Variants in SCN8A observed in about 807,000 individuals in gnomAD.
The protein encoded by SCN8A is sodium voltage-gated channel alpha subunit 8.
A neutral mutation model predicts 184.1 loss-of-function variants in SCN8A; 30 were observed. The ratio of observed to expected loss-of-function variants is 0.16; its 90% CI spans 0.12 to 0.22. The LOEUF (loss-of-function observed/expected upper bound fraction) is 0.22. Ranked by LOEUF, SCN8A falls within the 10% of genes least tolerant of loss-of-function variation. The probability of loss-of-function intolerance (pLI) is 1.00; values close to 1 mark genes in which losing one functional copy is unlikely to be tolerated. For missense variants in SCN8A, 1,057 were observed against 2,498.9 expected (o/e 0.42, Z 12.30); for synonymous variants, 852 against 907.0 (o/e 0.94, Z 1.09).
rs149205280 is a variant in SCN8A, at chr12:51,658,460, C to T, written c.-54-4304C>T. Among the ~76,000 whole-genome samples the T allele has an allele frequency of 1.6e-3, 240 of 152,100 alleles. 1 individual carries two copies. Among genetic ancestry groups the T allele is most frequent in the Non-Finnish European group, 2.9e-3 (199 of 67,924 alleles). ...TGCTACTGATTTTTGTACGTTGATT[C>T]TGTACCCTGCATGAAATACCATAGA... On this transcript the variant is annotated intron_variant, in intron 1 of 26. Transcript: ENST00000627620.
chr12:51,713,057 C>T, intron 11 of SCN8A: 1 of 1,484,938 alleles, frequency 6.7e-7, no homozygotes. Flanking sequence ...TTCTGAACAA[C>T]AATTTTATCA....
intron 12 of SCN8A, among the ~76,000 whole-genome samples, chr12:51,723,418 A>G (rs893280315): frequency 6.6e-6 from 1 of 152,174 alleles, no homozygotes; most frequent in Non-Finnish European, 1.5e-5. Flanking sequence ...CATGAGCCCA[A>G]GAGTTTAAGG....
intron 1 of SCN8A, among the ~76,000 whole-genome samples, chr12:51,625,730 T>C (rs1297429035): frequency 6.6e-6 from 1 of 152,246 alleles, no homozygotes; most frequent in African/African-American, 2.4e-5. Context: ...GCTTATCAAG[T>C]AACTGCTGTA....
At chr12:51,788,876 A>T (rs980695083) in intron 23 of SCN8A, 128 bp downstream of exon 23, 2 of 671,384 alleles carry the variant, frequency 3.0e-6, no homozygotes, top group African/African-American at 3.7e-5. Context: ...TCTTTGGAAC[A>T]TTTATTGCTT....
chr12:51,664,310 C>T (rs1420631397), intron 2 of SCN8A, among the ~76,000 whole-genome samples: 3 of 139,826 alleles, frequency 2.1e-5, no homozygotes, highest in Admixed American at 7.1e-5. Flanking sequence ...TGGGTTCAAG[C>T]GATTCTGCTG....
At chr12:51,717,711 C>T (rs1941989152) in intron 11 of SCN8A, among the ~76,000 whole-genome samples, 1 of 152,244 alleles carries the variant, frequency 6.6e-6, no homozygotes, top group Non-Finnish European at 1.5e-5. Context: ...ACAACATCTA[C>T]TCATAAATGA....
At chr12:51,786,950 A>G in intron 22 of SCN8A, 124 bp downstream of exon 22, 1 of 966,820 alleles carries the variant, frequency 1.0e-6, no homozygotes, top group Admixed American at 2.8e-5. Flanking sequence ...AGTCCAAGAA[A>G]ACAGTATTGT....
intron 1 of SCN8A, among the ~76,000 whole-genome samples, chr12:51,633,483 T>A (rs1940245465): frequency 6.6e-6 from 1 of 152,252 alleles, no homozygotes; most frequent in African/African-American, 2.4e-5. Flanking sequence ...AGGTTTGCTT[T>A]CACCAGTTAT....
chr12:51,670,598 T>C (rs943426258), intron 2 of SCN8A, among the ~76,000 whole-genome samples: 2 of 151,978 alleles, frequency 1.3e-5, no homozygotes, highest in African/African-American at 4.8e-5. Context: ...CTACTGAAGG[T>C]TCTGGAATGG....
intron 14 of SCN8A, among the ~76,000 whole-genome samples, chr12:51,753,573 A>G (rs561167871): frequency 6.6e-6 from 1 of 152,344 alleles, no homozygotes; most frequent in South Asian, 2.1e-4. Flanking sequence ...TTGCCAATCA[A>G]CACGAGCGCT....
chr12:51,801,821 G>A (rs1220555322), intron 26 of SCN8A, among the ~76,000 whole-genome samples: 1 of 152,196 alleles, frequency 6.6e-6, no homozygotes, highest in Non-Finnish European at 1.5e-5. Context: ...TTGGGAGGCT[G>A]AGGGGGGCGG....
At position 51,701,270 on chromosome 12, in the gene SCN8A, C is replaced by A. The variant is rs569733408; in HGVS notation, c.992+63C>A. ...ATAATGTACCTGTTATTAGTAGGGT[C>A]AAAATAGGCAATATGTTTACTTTTC... On this transcript the variant is annotated intron_variant, in intron 8 of 26. Coordinates refer to ENST00000627620, the MANE Select transcript of SCN8A (RefSeq NM_001330260.2). 1.5e-4 allele frequency: 155 copies of A among 1,009,748 alleles called. 1 individual carries two copies. In the East Asian group the frequency reaches 3.7e-3, roughly 24 times the overall value. 62.5% of individuals were successfully genotyped at this position (1,009,748 alleles called of 1,614,324 possible). A position where few individuals can be genotyped will look rare whatever the true frequency, so the allele number is the denominator to read the frequency against.
chr12:51,749,046 C>A (rs944832625), intron 13 of SCN8A, among the ~76,000 whole-genome samples: 3 of 152,190 alleles, frequency 2.0e-5, no homozygotes, highest in African/African-American at 4.8e-5. Flanking sequence ...GGACATCTCA[C>A]CCCTAGATGT....
intron 26 of SCN8A, among the ~76,000 whole-genome samples, chr12:51,800,873 G>C (rs1404411492): frequency 3.3e-5 from 5 of 152,206 alleles, no homozygotes; most frequent in Admixed American, 1.3e-4. Context: ...AAGATTAGCA[G>C]TATAAATTGT....
At chr12:51,779,255 A>G (rs1301277695) in intron 20 of SCN8A, among the ~76,000 whole-genome samples, 1 of 151,684 alleles carries the variant, frequency 6.6e-6, no homozygotes, top group Non-Finnish European at 1.5e-5. Flanking sequence ...CCAGACCCCA[A>G]ACATTCTGGA....
At chr12:51,724,570 A>C (rs866288638) in intron 12 of SCN8A, among the ~76,000 whole-genome samples, 1 of 152,362 alleles carries the variant, frequency 6.6e-6, no homozygotes, top group Middle Eastern at 3.4e-3. Context: ...AATTCTGCGA[A>C]TAGGGATAAA....
At chr12:51,670,442 C>T (rs1381473369) in intron 2 of SCN8A, among the ~76,000 whole-genome samples, 1 of 152,158 alleles carries the variant, frequency 6.6e-6, no homozygotes, top group Non-Finnish European at 1.5e-5. Flanking sequence ...TAAGAAAAAT[C>T]CAGGTCATCT....
intron 8 of SCN8A, 41 bp from the exon 9 acceptor site, chr12:51,702,732 A>G (rs753395357): frequency 1.3e-6 from 2 of 1,481,854 alleles, no homozygotes; most frequent in Non-Finnish European, 1.8e-6. Flanking sequence ...GGCTGGGTGG[A>G]ATTATGTTGA....
intron 2 of SCN8A, among the ~76,000 whole-genome samples, chr12:51,680,928 CGGGAGGCGGA>C (rs1342257061): frequency 2.0e-5 from 3 of 151,948 alleles, no homozygotes; most frequent in Non-Finnish European, 4.4e-5. Context: ...TGCTTGAACC[CGGGAGGCGGA>C]GGTTGCAGTG....
Sources: allele counts gnomAD v4.1 joint callset (sites outside exome capture counted in the v4.1 genomes callset), GRCh38; gene constraint gnomAD v4.1.1; transcripts MANE v1.5; gene names NCBI Gene and HGNC (gene_info 2026-07-23, HGNC 2026-07-21).